WDFY3: variants seen among roughly 807,000 people sequenced by gnomAD.
The protein encoded by WDFY3 is WD repeat and FYVE domain-containing protein 3.
WDFY3 carries 66 observed loss-of-function variants against 409.6 expected under a neutral mutation model. That is an observed-to-expected ratio of 0.16 (90% CI 0.13 to 0.20). The LOEUF is 0.20. Ranked by LOEUF, WDFY3 falls within the 10% of genes least tolerant of loss-of-function variation. The pLI, the probability that WDFY3 is intolerant of heterozygous loss-of-function variation, is 1.00. For missense variants in WDFY3, 3,031 were observed against 4,298.1 expected (o/e 0.71, Z 8.24); for synonymous variants, 1,521 against 1,537.1 (o/e 0.99, Z 0.25).
chr4:84,917,151 T>A (rs1187492089), intron 2 of WDFY3, among the ~76,000 whole-genome samples: 1 of 152,188 alleles, frequency 6.6e-6, no homozygotes, highest in Non-Finnish European at 1.5e-5. Context: ...CTCTGAATTA[T>A]TTCACTCCTT....
chr4:84,673,457 T>C (rs1432918432), intron 67 of WDFY3, among the ~76,000 whole-genome samples: 2 of 152,164 alleles, frequency 1.3e-5, no homozygotes, highest in East Asian at 3.9e-4. Context: ...GAATTACTAA[T>C]GACTCATTAG....
chr4:84,792,034 A>T (rs181679523), intron 21 of WDFY3, among the ~76,000 whole-genome samples: 1 of 152,252 alleles, frequency 6.6e-6, no homozygotes, highest in Non-Finnish European at 1.5e-5. Flanking sequence ...CTGTAACCAT[A>T]TAATTTAAAG....
intron 30 of WDFY3, among the ~76,000 whole-genome samples, chr4:84,767,623 T>TA (rs553099141): frequency 0.054 from 7,179 of 131,790 alleles, 439 homozygotes; most frequent in African/African-American, 0.17. Flanking sequence ...CACGCAATGA[T>TA]AAAAAAAAAA....
intron 50 of WDFY3, among the ~76,000 whole-genome samples, chr4:84,714,668 C>T (rs1334750719): frequency 4.0e-5 from 6 of 151,790 alleles, no homozygotes; most frequent in Admixed American, 2.0e-4. Context: ...TATTTTTGGC[C>T]GGGCACGGTG....
intron 2 of WDFY3, among the ~76,000 whole-genome samples, chr4:84,906,235 T>C (rs566597183): frequency 3.3e-5 from 5 of 152,342 alleles, no homozygotes; most frequent in African/African-American, 4.8e-5. Context: ...AGATAATTTA[T>C]GATCTTCTCT....
At chr4:84,823,519 G>A (rs1385105743) in intron 10 of WDFY3, among the ~76,000 whole-genome samples, 1 of 151,548 alleles carries the variant, frequency 6.6e-6, no homozygotes, top group Non-Finnish European at 1.5e-5. Context: ...AAAACTAAGA[G>A]AACACACTTC....
chr4:84,872,061 G>A (rs1762199299), intron 3 of WDFY3, among the ~76,000 whole-genome samples: 1 of 152,184 alleles, frequency 6.6e-6, no homozygotes, highest in Admixed American at 6.5e-5. Flanking sequence ...GGAGGGAGGA[G>A]CTGGTAATGC....
chr4:84,796,633 G>A lies in WDFY3; in HGVS notation c.3055C>T (p.Leu1019=). ...VKSAEGSTVP[L]TRVKCLVSMT... ...GAGACCAGACACTTCACCCTGGTCA[G>A]GGGTACAGTACTTCCTTCCGCAGAT... The change falls in exon 19 of 68, where the codon CTG becomes TTG. Residue 1019 remains leucine, a synonymous_variant. Coordinates refer to ENST00000295888, the MANE Select transcript of WDFY3 (RefSeq NM_014991.6). 3.1e-6 allele frequency: 5 copies of A among 1,614,106 alleles called. No individual in the cohort carries two copies. Among genetic ancestry groups the A allele is most frequent in the Non-Finnish European group, 3.4e-6 (4 of 1,179,996 alleles).
At chr4:84,907,747 G>GTC (rs1314663099) in intron 2 of WDFY3, among the ~76,000 whole-genome samples, 1 of 126,796 alleles carries the variant, frequency 7.9e-6, no homozygotes, top group African/African-American at 3.1e-5. Flanking sequence ...CTATGGCCCA[G>GTC]TCACTGTACC....
rs187163547 is a variant in WDFY3 at position 84,780,804 on chromosome 4, C to T, written c.4175-506G>A. On this transcript the variant is annotated intron_variant, in intron 25 of 67. Transcript: ENST00000295888. ...AAATAAATAAATAAATAATAAAATT[C>T]TTTGAAAAGGAAAAAAAGCTAATCT... is the stretch of plus-strand genomic sequence containing the variant. 8.0e-3 allele frequency among the ~76,000 whole-genome samples: 1,210 copies of T among 151,458 alleles called. 14 individuals are homozygous for T. The highest frequency in any genetic ancestry group is 0.028 in the African/African-American group (1,139 of 41,164).
intron 2 of WDFY3, among the ~76,000 whole-genome samples, chr4:84,928,118 G>C (rs1396651725): frequency 2.0e-5 from 3 of 152,136 alleles, no homozygotes; most frequent in African/African-American, 4.8e-5. Context: ...GACCCAGATG[G>C]AACAAAAAAG....
intron 10 of WDFY3, 65 bp from the exon 11 acceptor site, chr4:84,821,616 C>A: frequency 7.7e-7 from 1 of 1,290,890 alleles, no homozygotes; most frequent in South Asian, 1.4e-5. Context: ...GCAAACTAGT[C>A]TGTTTAAACA....
intron 61 of WDFY3, among the ~76,000 whole-genome samples, chr4:84,689,594 T>C (rs1310585110): frequency 6.6e-6 from 1 of 152,204 alleles, no homozygotes; most frequent in Non-Finnish European, 1.5e-5. Flanking sequence ...TTTTTTTCTA[T>C]AGGTATTTAT....
In WDFY3 at chr4:84,735,363, C is replaced by T. The variant is rs542919685; in HGVS notation, c.6916-243G>A. Among the ~76,000 whole-genome samples the T allele has an allele frequency of 5.3e-5, 8 of 152,304 alleles. No homozygotes were observed. The South Asian group carries it at 1.5e-3, about 28-fold the overall frequency. Reference sequence around the variant, plus strand: ...GCTGCCCACGTGTCTGGGCTGCTCTCAACACCCTCAGGGATGGCCTTAGCT... The same window carrying T: ...GCTGCCCACGTGTCTGGGCTGCTCTTAACACCCTCAGGGATGGCCTTAGCT... On this transcript the variant is annotated intron_variant, in intron 42 of 67. Transcript: ENST00000295888.
At chr4:84,890,842 T>C (rs959422326) in intron 3 of WDFY3, among the ~76,000 whole-genome samples, 7 of 152,310 alleles carry the variant, frequency 4.6e-5, no homozygotes, top group African/African-American at 1.4e-4. Context: ...AGAAAGTATT[T>C]TGTTATGTTG....
In WDFY3 at chr4:84,819,742, T is replaced by C. The variant is rs977166079; in HGVS notation, c.1693+343A>G. On this transcript the variant is annotated intron_variant, in intron 12 of 67. Transcript: ENST00000295888. ...ACTCTAACTTGTAGTACTAAAAATA[T>C]TCTTTAAATCACTGTGTAAAGAAAA... Among the ~76,000 whole-genome samples the C allele has an allele frequency of 2.0e-5, 3 of 152,110 alleles. No individual in the cohort carries two copies. The East Asian group carries it at 5.8e-4, about 29-fold the overall frequency.
intron 17 of WDFY3, among the ~76,000 whole-genome samples, chr4:84,800,877 C>T (rs1750407947): frequency 6.6e-6 from 1 of 152,056 alleles, no homozygotes; most frequent in South Asian, 2.1e-4. Context: ...AGAGCACAGG[C>T]GGAAATGCTG....
intron 49 of WDFY3, among the ~76,000 whole-genome samples, chr4:84,716,128 T>C (rs1404404077): frequency 2.6e-5 from 4 of 152,094 alleles, no homozygotes; most frequent in South Asian, 4.1e-4. Flanking sequence ...TATAACCATA[T>C]CTAAGGATTA....
At position 84,929,482 on chromosome 4, in the gene WDFY3, A is replaced by G. The variant is rs370669005; in HGVS notation, c.-132+2788T>C. Among the ~76,000 whole-genome samples, 13 of 144,162 alleles carry G rather than the reference A, an allele frequency of 9.0e-5. No homozygotes were observed. In the East Asian group the frequency reaches 2.8e-3, roughly 31 times the overall value. 94.6% of individuals were successfully genotyped at this position (144,162 alleles called of 152,430 possible). On this transcript the variant is annotated intron_variant, in intron 2 of 67. Coordinates refer to ENST00000295888, the MANE Select transcript of WDFY3 (RefSeq NM_014991.6). ...AGATTGAATTGCGCCCCCCCCCCCA[A>G]ATTCATACGTTGAAATCCATACCGT...
Sources: allele counts gnomAD v4.1 joint callset (sites outside exome capture counted in the v4.1 genomes callset), GRCh38; gene constraint gnomAD v4.1.1; transcripts MANE v1.5; gene names NCBI Gene and HGNC (gene_info 2026-07-23, HGNC 2026-07-21).